Variants in CNTNAP2 observed in about 807,000 individuals in gnomAD.
CNTNAP2 encodes contactin-associated protein-like 2.
A neutral mutation model predicts 155.2 loss-of-function variants in CNTNAP2; 98 were observed. The observed-to-expected ratio is 0.63, with a 90% CI of 0.54 to 0.75. The LOEUF (loss-of-function observed/expected upper bound fraction) is 0.75. Among genes scored for constraint, CNTNAP2 ranks in the 30% least tolerant of loss-of-function variants. The pLI is 0.00. For missense variants in CNTNAP2, 1,727 were observed against 1,688.1 expected, an observed-to-expected ratio of 1.02 and a Z score of -0.40; for synonymous variants, 651 against 631.2, an observed-to-expected ratio of 1.03 and a Z score of -0.47.
chr7:147,753,566 A>G (rs373257390), intron 13 of CNTNAP2, among the ~76,000 whole-genome samples: 1 of 152,260 alleles, frequency 6.6e-6, no homozygotes, highest in Non-Finnish European at 1.5e-5. Flanking sequence ...TGCCATGTCT[A>G]TGTACTTATG....
intron 1 of CNTNAP2, among the ~76,000 whole-genome samples, chr7:146,258,051 C>T (rs973867814): frequency 6.6e-6 from 1 of 151,986 alleles, no homozygotes; most frequent in Non-Finnish European, 1.5e-5. Context: ...CCACCATTGC[C>T]TGACTAATTT....
At chr7:147,234,447 C>T (rs1359072548) in intron 8 of CNTNAP2, among the ~76,000 whole-genome samples, 1 of 149,328 alleles carries the variant, frequency 6.7e-6, no homozygotes, top group African/African-American at 2.5e-5. Flanking sequence ...ACACCATTCT[C>T]CTGCCTCAGC....
intron 1 of CNTNAP2, among the ~76,000 whole-genome samples, chr7:146,635,486 G>A (rs1169916754): frequency 6.6e-6 from 1 of 152,128 alleles, no homozygotes; most frequent in Non-Finnish European, 1.5e-5. Context: ...GAGAAGAGGA[G>A]GTGGGGTAGT....
chr7:147,313,619 T>G (rs1159633604), intron 9 of CNTNAP2, among the ~76,000 whole-genome samples: 1 of 151,506 alleles, frequency 6.6e-6, no homozygotes, highest in African/African-American at 2.4e-5. Flanking sequence ...TCCATTGATC[T>G]ATATCTCTGT....
In CNTNAP2 at chr7:146,796,239, G is replaced by A. The variant is rs1230708822; in HGVS notation, c.208+21858G>A. Among the ~76,000 whole-genome samples the A allele has an allele frequency of 4.6e-5, 7 of 152,190 alleles. No homozygotes were observed. The East Asian group carries it at 1.3e-3, about 29-fold the overall frequency. ...ACCACCAGATTTGTATGCTTGCTGTGCAGTAACAGACAAACACACTGAGAC... is the reference window on the plus strand; with the variant it reads ...ACCACCAGATTTGTATGCTTGCTGTACAGTAACAGACAAACACACTGAGAC... On this transcript the variant is annotated intron_variant, in intron 2 of 23. Coordinates refer to ENST00000361727, the MANE Select transcript of CNTNAP2 (RefSeq NM_014141.6).
At position 146,392,855 on chromosome 7, in the gene CNTNAP2, C is replaced by G. The variant is rs143966147; in HGVS notation, c.97+275882C>G. 1.3e-3 allele frequency among the ~76,000 whole-genome samples: 194 copies of G among 152,218 alleles called. 4 individuals carry two copies. In the East Asian group the frequency reaches 0.035, roughly 27 times the overall value. Reference sequence around the variant, plus strand: ...AGAAAATGACCTCAGGCTAGTATTTCCAATCATCTTCAAATCTTCCGTTGA... The same window carrying G: ...AGAAAATGACCTCAGGCTAGTATTTGCAATCATCTTCAAATCTTCCGTTGA... On this transcript the variant is annotated intron_variant, in intron 1 of 23. Coordinates refer to ENST00000361727, the MANE Select transcript of CNTNAP2 (RefSeq NM_014141.6).
In CNTNAP2 at chr7:147,878,267, AATG is replaced by A. The variant is rs10628344; in HGVS notation, c.2099-25283_2099-25281del. Among the ~76,000 whole-genome samples the A allele has an allele frequency of 1.9e-3, 295 of 151,922 alleles. 3 individuals are homozygous for A. The South Asian group carries it at 0.03, about 15-fold the overall frequency. ...CTGAACACCTAGTAATTGTTCAGTAAATGATGATGATGATGATAGTGATGATGA... is the reference window on the plus strand; with the variant it reads ...CTGAACACCTAGTAATTGTTCAGTAAATGATGATGATGATAGTGATGATGA... On this transcript the variant is annotated intron_variant, in intron 13 of 23. Transcript: ENST00000361727.
intron 15 of CNTNAP2, among the ~76,000 whole-genome samples, chr7:148,044,435 C>T (rs1449587182): frequency 6.6e-6 from 1 of 152,130 alleles, no homozygotes; most frequent in Non-Finnish European, 1.5e-5. Flanking sequence ...GTCTGAATGT[C>T]TCTATCCTCC....
chr7:147,124,465 C>T (rs73154364), intron 6 of CNTNAP2, among the ~76,000 whole-genome samples: 2,396 of 152,164 alleles, frequency 0.016, 26 homozygotes, highest in South Asian at 0.04. Context: ...TTTCATGGTG[C>T]GAATTTCCCA....
chr7:147,679,762 A>T (rs1795919558), intron 13 of CNTNAP2, among the ~76,000 whole-genome samples: 1 of 151,920 alleles, frequency 6.6e-6, no homozygotes, highest in African/African-American at 2.4e-5. Flanking sequence ...TATTTGTAAT[A>T]GTTATTTTCT....
chr7:148,278,428 G>A (rs945041566), intron 21 of CNTNAP2, among the ~76,000 whole-genome samples: 1 of 152,096 alleles, frequency 6.6e-6, no homozygotes, highest in African/African-American at 2.4e-5. Context: ...AAATTAGCCG[G>A]GCGTGGTGGT....
Position 147,377,655 on chromosome 7 carries a change from T to C in CNTNAP2, c.1499-17954T>C, listed in dbSNP as rs1031879768. 3.3e-5 allele frequency among the ~76,000 whole-genome samples: 5 copies of C among 151,992 alleles called. No individual in the cohort carries two copies. The South Asian group carries it at 6.2e-4, about 19-fold the overall frequency. ...TTTTGTTTTTCTGAAAATATCTTAA[T>C]TTTACCATCTTCCCTGTTTATTTAG... On this transcript the variant is annotated intron_variant, in intron 9 of 23. Coordinates refer to ENST00000361727, the MANE Select transcript of CNTNAP2 (RefSeq NM_014141.6).
chr7:146,495,784 G>C (rs1006699532), intron 1 of CNTNAP2, among the ~76,000 whole-genome samples: 3 of 150,766 alleles, frequency 2.0e-5, no homozygotes, highest in Non-Finnish European at 3.0e-5. Flanking sequence ...GAAAGGGTAA[G>C]GCATGAGAAT....
intron 3 of CNTNAP2, among the ~76,000 whole-genome samples, chr7:146,912,888 G>T (rs990620775): frequency 2.0e-5 from 3 of 151,658 alleles, no homozygotes; most frequent in African/African-American, 7.3e-5. Context: ...TCTTTATTTT[G>T]ACCCACTGCA....
At chr7:146,798,211 G>C (rs1187712806) in intron 2 of CNTNAP2, among the ~76,000 whole-genome samples, 1 of 151,940 alleles carries the variant, frequency 6.6e-6, no homozygotes, top group African/African-American at 2.4e-5. Flanking sequence ...TGGGGAGGCA[G>C]AGGCTGCAGT....
At chr7:147,482,467 C>A (rs1328755537) in intron 10 of CNTNAP2, among the ~76,000 whole-genome samples, 1 of 152,102 alleles carries the variant, frequency 6.6e-6, no homozygotes, top group East Asian at 1.9e-4. Flanking sequence ...GCCTGTAATC[C>A]CAGCACTTTG....
intron 1 of CNTNAP2, among the ~76,000 whole-genome samples, chr7:146,461,958 C>T (rs1232980061): frequency 6.6e-6 from 1 of 152,220 alleles, no homozygotes; most frequent in African/African-American, 2.4e-5. Context: ...AAGCTTCTCT[C>T]ATGCTCCATG....
intron 1 of CNTNAP2, among the ~76,000 whole-genome samples, chr7:146,261,377 C>T (rs1052236532): frequency 6.6e-6 from 1 of 151,590 alleles, no homozygotes; most frequent in Non-Finnish European, 1.5e-5. Flanking sequence ...GAACTAGCCC[C>T]TTCTGCTTGC....
intron 8 of CNTNAP2, among the ~76,000 whole-genome samples, chr7:147,199,252 G>A (rs929067097): frequency 2.6e-5 from 4 of 151,978 alleles, no homozygotes; most frequent in Admixed American, 6.6e-5. Flanking sequence ...GTGAGCCACC[G>A]CGCCCGGCCC....
Sources: allele counts gnomAD v4.1 joint callset (sites outside exome capture counted in the v4.1 genomes callset), GRCh38; gene constraint gnomAD v4.1.1; transcripts MANE v1.5; gene names NCBI Gene and HGNC (gene_info 2026-07-23, HGNC 2026-07-21).